The following KARS1 variants were observed in gnomAD, a reference collection of about 807,000 sequenced individuals.
The protein encoded by KARS1 is lysyl-tRNA synthetase 1.
KARS1 carries 50 observed loss-of-function variants against 63.9 expected under a neutral mutation model. The ratio of observed to expected loss-of-function variants is 0.78; its 90% CI spans 0.62 to 0.99. KARS1 has a LOEUF of 0.99. Among genes scored for constraint, KARS1 ranks in the 50% least tolerant of loss-of-function variants. KARS1 has a pLI of 0.00. For synonymous variants in KARS1, 320 were observed against 264.6 expected, an observed-to-expected ratio of 1.21 and a Z score of -2.03; for missense variants, 816 against 754.5, an observed-to-expected ratio of 1.08 and a Z score of -0.95.
chr16:75,628,395 A>T (rs1199122755), intron 13 of KARS1, among the ~76,000 whole-genome samples, 174 bp downstream of exon 13: 4 of 152,140 alleles, frequency 2.6e-5, no homozygotes, highest in African/African-American at 9.7e-5. Flanking sequence ...AAAAACCCAA[A>T]TCCTTTAAGG....
chr16:75,644,855 G>C (rs892951811), intron 1 of KARS1, among the ~76,000 whole-genome samples: 3 of 152,138 alleles, frequency 2.0e-5, no homozygotes, highest in South Asian at 2.1e-4. Flanking sequence ...TAAAATAAGA[G>C]GAAACTGTCA....
Position 75,631,504 on chromosome 16 carries a change from G to A in KARS1, c.1164C>T (p.Thr388=). The part of the protein sequence containing the change: ...PEGQAYDVDF[T]PPFRRINMVE... Reference sequence around the variant, plus strand: ...CCATGTTGATTCGCCGGAAGGGTGGGGTGAAGTCAACATCGTAGGCTTGGC... The same window carrying A: ...CCATGTTGATTCGCCGGAAGGGTGGAGTGAAGTCAACATCGTAGGCTTGGC... The change falls in exon 9 of 14, where the codon ACC becomes ACT. Residue 388 remains threonine (T), a synonymous_variant. Transcript: ENST00000302445. The A allele has an allele frequency of 1.2e-6, 2 of 1,614,138 alleles. No homozygotes were observed. The highest frequency in any genetic ancestry group is 1.7e-6 in the Non-Finnish European group (2 of 1,180,004).
At chr16:75,638,916 C>T (rs543734946) in intron 3 of KARS1, among the ~76,000 whole-genome samples, 2 of 152,126 alleles carry the variant, frequency 1.3e-5, no homozygotes, top group African/African-American at 2.4e-5. Context: ...GCCTGTAATC[C>T]CAGCACTTTG....
chr16:75,629,601 GTTT>G, intron 11 of KARS1, 60 bp from the exon 12 acceptor site: 1 of 1,595,826 alleles, frequency 6.3e-7, no homozygotes, highest in Non-Finnish European at 8.6e-7. Context: ...GCTAAATTTT[GTTT>G]TTTCTTTTTT....
intron 3 of KARS1, among the ~76,000 whole-genome samples, chr16:75,636,817 T>A (rs76000432): frequency 2.0e-5 from 3 of 151,488 alleles, no homozygotes; most frequent in Non-Finnish European, 4.4e-5. Flanking sequence ...TTTTTTTTTT[T>A]AAAGTAGAGA....
intron 6 of KARS1, among the ~76,000 whole-genome samples, chr16:75,634,598 C>T (rs930714731): frequency 3.9e-5 from 6 of 152,058 alleles, no homozygotes; most frequent in South Asian, 2.1e-4. Context: ...TTTTTTAAGA[C>T]GGAGTCTTGC....
Position 75,647,664 on chromosome 16 carries a change from G to C in KARS1, c.-25C>G, listed in dbSNP as rs28365852. 4 of 1,612,514 alleles carry C rather than the reference G, an allele frequency of 2.5e-6. No homozygotes were observed. The highest frequency in any genetic ancestry group is 3.3e-5 in the Admixed American group (2 of 59,986). ...TCTTCCCGGAGGGCCCGACCCAAAA[G>C]TAAGGAGGATAGTACGTTAATTTCC... On this transcript the variant is annotated 5_prime_UTR_variant, in exon 1 of 14. Coordinates refer to ENST00000302445, the MANE Select transcript of KARS1 (RefSeq NM_005548.3).
In KARS1 at chr16:75,635,692, C is replaced by T. The variant is rs1038012468; in HGVS notation, c.783G>A (p.Leu261=). 1 of 1,614,090 alleles carries T rather than the reference C, an allele frequency of 6.2e-7. No individual in the cohort carries two copies. Residue 261 remains leucine (L), a synonymous_variant, in exon 6 of 14, where the codon CTG becomes CTA. Coordinates refer to ENST00000302445, the MANE Select transcript of KARS1 (RefSeq NM_005548.3). ...ITYIRSFLDE[L]GFLEIETPMM... ...GAACTCTCCTTACCTCTAGGAATCC[C>T]AGCTCATCTAAGAAACTTCTTATAT...
intron 1 of KARS1, among the ~76,000 whole-genome samples, chr16:75,643,106 T>G (rs1423318890): frequency 6.6e-6 from 1 of 152,238 alleles, no homozygotes; most frequent in Non-Finnish European, 1.5e-5. Flanking sequence ...AGCTGTTCTG[T>G]ATGATATGTT....
chr16:75,636,585 CAGA>C (rs762539842), intron 3 of KARS1, 38 bp from the exon 4 acceptor site: 6 of 1,307,862 alleles, frequency 4.6e-6, no homozygotes, highest in Admixed American at 3.4e-5. Context: ...CTGACAGAAC[CAGA>C]AGTCATTTTA....
At chr16:75,639,039 G>C (rs1201243115) in intron 3 of KARS1, among the ~76,000 whole-genome samples, 1 of 151,908 alleles carries the variant, frequency 6.6e-6, no homozygotes, top group Admixed American at 6.6e-5. Flanking sequence ...GTGGTGGCAG[G>C]CGCCTGTAAT....
rs201512705 is a variant in KARS1 at position 75,628,704 on chromosome 16, A to G, written c.1560T>C (p.Ala520=). The change falls in exon 13 of 14, where the codon GCT becomes GCC. Residue 520 remains alanine, a synonymous_variant. Coordinates refer to ENST00000302445, the MANE Select transcript of KARS1 (RefSeq NM_005548.3). ...QLFEEQAKAK[A]AGDDEAMFID... ...TGAACATGGCCTCATCATCACCTGC[A>G]GCCTTGGCCTAGAAGAGGAAAGAGA... 20 of 1,614,226 alleles carry G rather than the reference A, an allele frequency of 1.2e-5. No homozygotes were observed. In the East Asian group the frequency reaches 4.5e-4, roughly 36 times the overall value.
chr16:75,628,212 A>G (rs1389439814), intron 13 of KARS1, among the ~76,000 whole-genome samples: 2 of 152,254 alleles, frequency 1.3e-5, no homozygotes, highest in Non-Finnish European at 2.9e-5. Context: ...CACTATGTCA[A>G]AAGGATGAAT....
At chr16:75,629,312 A>T in intron 12 of KARS1, 103 bp downstream of exon 12, 2 of 1,443,282 alleles carry the variant, frequency 1.4e-6, no homozygotes, top group Non-Finnish European at 1.9e-6. Flanking sequence ...TTTATCTTTC[A>T]CTTCTGAAGT....
At chr16:75,639,427 C>G (rs1342760715) in intron 3 of KARS1, among the ~76,000 whole-genome samples, 1 of 151,952 alleles carries the variant, frequency 6.6e-6, no homozygotes, top group Admixed American at 6.6e-5. Flanking sequence ...CAAAACTTAG[C>G]CGGGCGTGGT....
In KARS1 at chr16:75,629,513, G is replaced by A; in HGVS notation, c.1453C>T (p.Arg485Cys). The change falls in exon 12 of 14, where the codon CGC becomes TGC. Residue 485 changes from arginine (R) to cysteine (C), a missense_variant. Transcript: ENST00000302445. ...WHRSKEGLTE[R>C]FELFVMKKEI... ...TTCTTCATGACAAACAGCTCAAAGCGCTCAGTCAGACCCTCTTTAGAGCGG... is the reference window on the plus strand; with the variant it reads ...TTCTTCATGACAAACAGCTCAAAGCACTCAGTCAGACCCTCTTTAGAGCGG... The A allele has an allele frequency of 1.2e-6, 2 of 1,614,056 alleles. No individual in the cohort carries two copies. The highest frequency in any genetic ancestry group is 1.7e-4 in the Middle Eastern group (1 of 6,058).
At position 75,628,621 on chromosome 16, in the gene KARS1, C is replaced by A; in HGVS notation, c.1643G>T (p.Gly548Val). The A allele has an allele frequency of 1.2e-6, 2 of 1,614,184 alleles. No individual in the cohort carries two copies. The highest frequency in any genetic ancestry group is 1.7e-6 in the Non-Finnish European group (2 of 1,180,040). ...EYGLPPTAGW[G>V]MGIDRVAMFL... ...CATGGCGACTCGATCAATGCCCATGCCCCAGCCAGCTGTGGGGGGCAGCCC... is the reference window on the plus strand; with the variant it reads ...CATGGCGACTCGATCAATGCCCATGACCCAGCCAGCTGTGGGGGGCAGCCC... Residue 548 changes from glycine to valine, a missense_variant, in exon 13 of 14, where the codon GGC becomes GTC. Gly to Val is a moderately radical substitution (Grantham distance 109, BLOSUM62 -3). Coordinates refer to ENST00000302445, the MANE Select transcript of KARS1 (RefSeq NM_005548.3).
chr16:75,642,185 CTTTTTTTT>C (rs148991591), intron 1 of KARS1, among the ~76,000 whole-genome samples: 4 of 63,170 alleles, frequency 6.3e-5, no homozygotes, highest in African/African-American at 7.9e-5. Context: ...AGTGCCAGGT[CTTTTTTTT>C]TTTTTTTTTT....
At chr16:75,630,808 G>C (rs1177445742) in intron 10 of KARS1, among the ~76,000 whole-genome samples, 1 of 151,712 alleles carries the variant, frequency 6.6e-6, no homozygotes, top group East Asian at 1.9e-4. Flanking sequence ...CTCATTTTTG[G>C]ATTTTTTGTA....
Sources: gnomAD v4.1 joint callset for allele counts (sites outside exome capture counted in the v4.1 genomes callset) on GRCh38, gnomAD v4.1.1 for gene constraint, MANE v1.5 for transcripts, NCBI Gene and HGNC (gene_info 2026-07-23, HGNC 2026-07-21) for gene names.